Variants in PTPRT observed in about 807,000 individuals in gnomAD.
PTPRT encodes receptor-type tyrosine-protein phosphatase T.
In PTPRT, 56 loss-of-function variants were observed where a neutral mutation model predicts 176.8. The observed-to-expected ratio is 0.32, with a 90% confidence interval of 0.26 to 0.40. The LOEUF (loss-of-function observed/expected upper bound fraction) is 0.40, where lower values mean the gene tolerates loss of function less well. PTPRT is among the 10% of genes least tolerant of loss of function. The probability of loss-of-function intolerance (pLI) is 1.00; values close to 1 mark genes in which losing one functional copy is unlikely to be tolerated. For missense variants in PTPRT, 1,540 were observed against 1,908.2 expected (o/e 0.81, Z 3.60); for synonymous variants, 783 against 739.0 (o/e 1.06, Z -0.96).
chr20:42,554,799 T>G (rs1950120537), intron 7 of PTPRT, among the ~76,000 whole-genome samples: 1 of 152,242 alleles, frequency 6.6e-6, no homozygotes, highest in Non-Finnish European at 1.5e-5. Context: ...AGAACAAAAT[T>G]AAAGATATAT....
intron 1 of PTPRT, among the ~76,000 whole-genome samples, chr20:43,108,332 C>G (rs1568789650): frequency 6.6e-6 from 1 of 152,162 alleles, no homozygotes; most frequent in Admixed American, 6.5e-5. Flanking sequence ...ATAGTTCCAG[C>G]TGCGTGCCAA....
intron 1 of PTPRT, among the ~76,000 whole-genome samples, chr20:43,065,349 C>G (rs551824802): frequency 2.6e-5 from 4 of 152,174 alleles, no homozygotes; most frequent in African/African-American, 7.2e-5. Flanking sequence ...TTTACAAGAG[C>G]CAGGCCTGAA....
chr20:42,916,016 A>C (rs1318458344), intron 1 of PTPRT, among the ~76,000 whole-genome samples: 4 of 152,080 alleles, frequency 2.6e-5, no homozygotes, highest in African/African-American at 7.2e-5. Flanking sequence ...CACAATGTGC[A>C]GGTTAGTTAC....
chr20:42,888,817 C>T (rs140299878), intron 1 of PTPRT, among the ~76,000 whole-genome samples: 10 of 152,216 alleles, frequency 6.6e-5, no homozygotes, highest in Non-Finnish European at 1.2e-4. Context: ...TCCTTACCCT[C>T]ACAAAGTTTG....
intron 1 of PTPRT, among the ~76,000 whole-genome samples, chr20:42,935,076 C>CAA (rs540997646): frequency 1.4e-4 from 7 of 51,792 alleles, no homozygotes; most frequent in South Asian, 1.2e-3. Context: ...GACTTCATCT[C>CAA]AAAAAAAAAA....
At chr20:42,294,011 A>G (rs2057353368) in intron 12 of PTPRT, among the ~76,000 whole-genome samples, 2 of 152,224 alleles carry the variant, frequency 1.3e-5, no homozygotes, top group Admixed American at 1.3e-4. Context: ...CAGCATAATT[A>G]ATGTATAGAG....
chr20:42,884,914 A>G (rs997746423), intron 2 of PTPRT, among the ~76,000 whole-genome samples: 11 of 152,078 alleles, frequency 7.2e-5, no homozygotes, highest in Non-Finnish European at 5.9e-5. Flanking sequence ...AAGCCTCTTC[A>G]AGATGCACCT....
chr20:42,273,065 G>A (rs139229466), intron 13 of PTPRT, among the ~76,000 whole-genome samples: 3 of 152,254 alleles, frequency 2.0e-5, no homozygotes, highest in Non-Finnish European at 2.9e-5. Flanking sequence ...TTGCCTTGAC[G>A]ACAGCCCTTA....
intron 7 of PTPRT, among the ~76,000 whole-genome samples, chr20:42,507,209 G>A (rs148270845): frequency 1.5e-4 from 23 of 152,206 alleles, no homozygotes; most frequent in Non-Finnish European, 2.4e-4. Context: ...TTATTGAATC[G>A]TGTGGATGAG....
At chr20:42,598,228 T>C (rs1213160068) in intron 7 of PTPRT, among the ~76,000 whole-genome samples, 1 of 152,206 alleles carries the variant, frequency 6.6e-6, no homozygotes. Flanking sequence ...TCTACACTTA[T>C]ATTTATATAT....
chr20:42,187,799 C>T (rs761903663), intron 16 of PTPRT, among the ~76,000 whole-genome samples: 1 of 152,196 alleles, frequency 6.6e-6, no homozygotes, highest in African/African-American at 2.4e-5. Context: ...TTACACAGCC[C>T]CATTTATAGC....
chr20:42,227,755 G>A (rs6030067), intron 15 of PTPRT, among the ~76,000 whole-genome samples: 2,634 of 151,858 alleles, frequency 0.017, 76 homozygotes, highest in African/African-American at 0.06. Context: ...TTACAGGCAC[G>A]TGCCACCATG....
At chr20:42,633,986 TA>T (rs2074500336) in intron 7 of PTPRT, among the ~76,000 whole-genome samples, 1 of 21,848 alleles carries the variant, frequency 4.6e-5, no homozygotes, top group Admixed American at 8.6e-4. Context: ...TATTATATAT[TA>T]TATTATATAT....
At chr20:42,055,697 G>C in the PTPRT span, among the ~76,000 whole-genome samples, 1 of 152,190 alleles carries the variant, frequency 6.6e-6, no homozygotes, top group Non-Finnish European at 1.5e-5. Flanking sequence ...GAGGACCATG[G>C]GGGGAATGAG....
At position 42,100,224 on chromosome 20, in the gene PTPRT, C is replaced by T. The variant is rs543129753; in HGVS notation, c.3715-1672G>A. ...TGATAAACGCTCTATTAGGCCAGCA[C>T]GCCTGACAAAGCCTTATCTGAAAAT... On this transcript the variant is annotated intron_variant, in intron 26 of 30. Transcript: ENST00000373187. 1.4e-3 allele frequency among the ~76,000 whole-genome samples: 218 copies of T among 152,306 alleles called. 1 individual carries two copies. The highest frequency in any genetic ancestry group is 2.3e-3 in the Non-Finnish European group (158 of 68,028).
At chr20:42,435,393 A>C (rs969889145) in intron 9 of PTPRT, among the ~76,000 whole-genome samples, 1 of 152,232 alleles carries the variant, frequency 6.6e-6, no homozygotes, top group Non-Finnish European at 1.5e-5. Flanking sequence ...AGGTGGTAGC[A>C]TTCACATCAA....
rs1983991312 is a variant in PTPRT, at chr20:42,086,753, A to AAAAT, written c.3847-901_3847-900insATTT. Among the ~76,000 whole-genome samples the AAAAT allele has an allele frequency of 2.0e-4, 19 of 95,536 alleles. 1 individual carries two copies. Among genetic ancestry groups the AAAAT allele is most frequent in the Admixed American group, 4.1e-4 (4 of 9,778 alleles). 62.7% of individuals were successfully genotyped at this position (95,536 alleles called of 152,430 possible). On this transcript the variant is annotated intron_variant, in intron 27 of 30. Coordinates refer to ENST00000373187, the MANE Select transcript of PTPRT (RefSeq NM_007050.6). ...AAAAAAAAAAAAAAAAAAAAAAAAA[A>AAAAT]ATATATATATATATGGGTTTGACCT...
chr20:42,036,470 C>T, the PTPRT span, among the ~76,000 whole-genome samples: 2 of 152,140 alleles, frequency 1.3e-5, no homozygotes, highest in Non-Finnish European at 2.9e-5. Context: ...CTAACTTGTC[C>T]AGGCTGGTAA....
At chr20:42,269,826 G>C (rs894196210) in intron 13 of PTPRT, among the ~76,000 whole-genome samples, 1 of 152,190 alleles carries the variant, frequency 6.6e-6, no homozygotes, top group Non-Finnish European at 1.5e-5. Context: ...GCTGATCATG[G>C]TATGGGTAAA....
Sources: gnomAD v4.1 joint callset for allele counts (sites outside exome capture counted in the v4.1 genomes callset) on GRCh38, gnomAD v4.1.1 for gene constraint, MANE v1.5 for transcripts, NCBI Gene and HGNC (gene_info 2026-07-23, HGNC 2026-07-21) for gene names.